KIAA1217: variants seen among roughly 807,000 people sequenced by gnomAD.
The protein encoded by KIAA1217 is KIAA1217.
KIAA1217 carries 88 observed loss-of-function variants against 163.9 expected under a neutral mutation model. That is an observed-to-expected ratio of 0.54 (90% CI 0.45 to 0.64). The LOEUF is 0.64. KIAA1217 is among the 30% of genes least tolerant of loss of function. The pLI is 0.00. For missense variants in KIAA1217, 2,372 were observed against 2,475.0 expected, an observed-to-expected ratio of 0.96 and a Z score of 0.88; for synonymous variants, 903 against 923.1, an observed-to-expected ratio of 0.98 and a Z score of 0.39.
chr10:24,287,092 C>T (rs2078615299), intron 2 of KIAA1217, among the ~76,000 whole-genome samples: 1 of 152,132 alleles, frequency 6.6e-6, no homozygotes, highest in Non-Finnish European at 1.5e-5. Flanking sequence ...CTCTGTCGCC[C>T]AGGCTGGAGT....
In KIAA1217 at chr10:24,056,678, G is replaced by T. The variant is rs374041843; in HGVS notation, c.-171+49304G>T. On this transcript the variant is annotated intron_variant, in intron 2 of 18. Transcript: ENST00000376462. Reference sequence around the variant, plus strand: ...AACAGATGAAGGTCCGAAAACATGAGTTCCCAATAAAAATTTCACTGAATA... The same window carrying T: ...AACAGATGAAGGTCCGAAAACATGATTTCCCAATAAAAATTTCACTGAATA... Among the ~76,000 whole-genome samples, 93 of 152,192 alleles carry T rather than the reference G, an allele frequency of 6.1e-4. 1 individual carries two copies. The highest frequency in any genetic ancestry group is 2.2e-3 in the African/African-American group (90 of 41,532).
chr10:24,456,422 T>C (rs2061795474), intron 5 of KIAA1217, among the ~76,000 whole-genome samples: 1 of 152,202 alleles, frequency 6.6e-6, no homozygotes, highest in South Asian at 2.1e-4. Context: ...TTAATAATCA[T>C]GCGTGCTCAG....
At chr10:23,743,334 CTTA>C (rs1564383642) in intron 1 of KIAA1217, among the ~76,000 whole-genome samples, 2 of 151,864 alleles carry the variant, frequency 1.3e-5, no homozygotes, top group Admixed American at 6.6e-5. Flanking sequence ...GCCTGGTTTT[CTTA>C]TTTCTTTTGC....
intron 1 of KIAA1217, among the ~76,000 whole-genome samples, chr10:23,938,819 A>G (rs1437165130): frequency 6.6e-6 from 1 of 152,214 alleles, no homozygotes; most frequent in Non-Finnish European, 1.5e-5. Flanking sequence ...ATGCATACGT[A>G]TATGCCATAT....
chr10:24,180,285 T>C (rs2066111326), intron 2 of KIAA1217, among the ~76,000 whole-genome samples: 1 of 124,262 alleles, frequency 8.0e-6, no homozygotes, highest in Non-Finnish European at 1.6e-5. Flanking sequence ...ACCTTCTTTT[T>C]TTTTTTTTTT....
intron 1 of KIAA1217, among the ~76,000 whole-genome samples, chr10:23,735,519 A>AT (rs202030823): frequency 0.012 from 1,761 of 151,950 alleles, 27 homozygotes; most frequent in African/African-American, 0.037. Flanking sequence ...TTAAAATTAT[A>AT]TTTTTTTCTA....
At chr10:24,185,237 A>C (rs377355159) in intron 2 of KIAA1217, among the ~76,000 whole-genome samples, 21 of 152,090 alleles carry the variant, frequency 1.4e-4, no homozygotes, top group African/African-American at 5.1e-4. Flanking sequence ...CCCACAGGTA[A>C]CCTGCAGGAT....
chr10:24,500,220 T>TG (rs1554907953), intron 8 of KIAA1217, among the ~76,000 whole-genome samples: 32 of 150,406 alleles, frequency 2.1e-4, no homozygotes, highest in Middle Eastern at 3.4e-3. Flanking sequence ...TGTGTGTGTC[T>TG]TTATTAGTAA....
intron 6 of KIAA1217, among the ~76,000 whole-genome samples, chr10:24,476,862 GACAC>G (rs573220564): frequency 0.016 from 2,444 of 151,066 alleles, 68 homozygotes; most frequent in African/African-American, 0.056. Context: ...CAAAGACACA[GACAC>G]ACACAGACAC....
Position 24,485,185 on chromosome 10 carries a change from A to T in KIAA1217, c.1680-9315A>T, listed in dbSNP as rs139033128. Among the ~76,000 whole-genome samples, 137 of 151,596 alleles carry T rather than the reference A, an allele frequency of 9.0e-4. 1 individual carries two copies. The highest frequency in any genetic ancestry group is 3.2e-3 in the African/African-American group (134 of 41,328). ...GTAAATCCCTTCCAACCAGAAACTT[A>T]TGTAATTCCAGGATTCTAAGTGAGG... On this transcript the variant is annotated intron_variant, in intron 6 of 20. Coordinates refer to ENST00000376454, the MANE Select transcript of KIAA1217 (RefSeq NM_019590.5).
chr10:24,491,800 T>A (rs2066186979), intron 6 of KIAA1217, among the ~76,000 whole-genome samples: 1 of 152,172 alleles, frequency 6.6e-6, no homozygotes, highest in Non-Finnish European at 1.5e-5. Flanking sequence ...TTTCTTGCAT[T>A]TCTTAATATT....
chr10:23,762,334 G>C (rs1834301516), intron 1 of KIAA1217, among the ~76,000 whole-genome samples: 1 of 151,546 alleles, frequency 6.6e-6, no homozygotes, highest in Non-Finnish European at 1.5e-5. Flanking sequence ...AAGAAAACAG[G>C]CCAATATCCC....
At chr10:24,173,796 T>C (rs1205928511) in intron 2 of KIAA1217, among the ~76,000 whole-genome samples, 1 of 152,218 alleles carries the variant, frequency 6.6e-6, no homozygotes, top group Non-Finnish European at 1.5e-5. Context: ...AGAGTGTTAG[T>C]ATTAGTTTGA....
intron 1 of KIAA1217, among the ~76,000 whole-genome samples, chr10:23,815,427 A>G (rs778045377): frequency 3.8e-4 from 58 of 152,194 alleles, no homozygotes; most frequent in Non-Finnish European, 7.5e-4. Flanking sequence ...GGCGGATCAC[A>G]AAGTCAGGAG....
At position 24,107,532 on chromosome 10, in the gene KIAA1217, T is replaced by G. The variant is rs1286224730; in HGVS notation, c.-171+100158T>G. Among the ~76,000 whole-genome samples, 7 of 152,218 alleles carry G rather than the reference T, an allele frequency of 4.6e-5. No homozygotes were observed. In the East Asian group the frequency reaches 1.2e-3, roughly 25 times the overall value. ...TTTAAGCATTCCCTTTTCTCTGCAA[T>G]CTCACCAGCATCTGTTACTTTTTGA... On this transcript the variant is annotated intron_variant, in intron 2 of 18. Transcript: ENST00000376462.
intron 2 of KIAA1217, among the ~76,000 whole-genome samples, chr10:24,234,462 G>A (rs566548165): frequency 6.6e-6 from 1 of 151,884 alleles, no homozygotes; most frequent in African/African-American, 2.4e-5. Flanking sequence ...TCAGGAGTTC[G>A]AGACCAGCCT....
At chr10:23,875,207 G>T (rs917372155) in intron 1 of KIAA1217, among the ~76,000 whole-genome samples, 8 of 151,730 alleles carry the variant, frequency 5.3e-5, no homozygotes, top group Non-Finnish European at 1.0e-4. Context: ...TTTAACATGA[G>T]ATTTGGAGGG....
chr10:24,545,348 C>A, intron 20 of KIAA1217: 1 of 1,383,892 alleles, frequency 7.2e-7, no homozygotes, highest in Non-Finnish European at 9.3e-7. Flanking sequence ...TGTTAACACA[C>A]GGTGCCAGAC....
intron 1 of KIAA1217, among the ~76,000 whole-genome samples, chr10:23,993,553 C>CTTTTTTTGTTTTTTTT (rs1846319429): frequency 1.5e-5 from 1 of 68,956 alleles, no homozygotes; most frequent in Non-Finnish European, 2.4e-5. Context: ...CATAGCCCAG[C>CTTTTTTTGTTTTTTTT]TTTTTTTTTT....
Sources: allele counts gnomAD v4.1 joint callset (sites outside exome capture counted in the v4.1 genomes callset), GRCh38; gene constraint gnomAD v4.1.1; transcripts MANE v1.5; gene names NCBI Gene and HGNC (gene_info 2026-07-23, HGNC 2026-07-21).